Variants in VPS41 observed in about 807,000 individuals in gnomAD.
The protein encoded by VPS41 is vacuolar protein sorting-associated protein 41 homolog.
A neutral mutation model predicts 130.9 loss-of-function variants in VPS41; 85 were observed. That is an observed-to-expected ratio of 0.65 (90% CI 0.55 to 0.78). The LOEUF (loss-of-function observed/expected upper bound fraction) is 0.78, where lower values mean the gene tolerates loss of function less well. Ranked by LOEUF, VPS41 falls within the 30% of genes least tolerant of loss-of-function variation. The probability of loss-of-function intolerance (pLI) is 0.00; values close to 1 mark genes in which losing one functional copy is unlikely to be tolerated. For synonymous variants in VPS41, 335 were observed against 332.9 expected, an observed-to-expected ratio of 1.01 and a Z score of -0.07; for missense variants, 874 against 1,018.7, an observed-to-expected ratio of 0.86 and a Z score of 1.93.
At chr7:38,727,600 A>G (rs1421202206) in intron 27 of VPS41, among the ~76,000 whole-genome samples, 1 of 152,198 alleles carries the variant, frequency 6.6e-6, no homozygotes, top group African/African-American at 2.4e-5. Flanking sequence ...CTGAAATGCT[A>G]TGGAAGCTCA....
At chr7:38,740,327 A>G (rs943517754) in intron 25 of VPS41, among the ~76,000 whole-genome samples, 2 of 152,162 alleles carry the variant, frequency 1.3e-5, no homozygotes, top group Admixed American at 1.3e-4. Context: ...TCAGAGGCTT[A>G]TAAGTTCTGA....
intron 22 of VPS41, among the ~76,000 whole-genome samples, chr7:38,748,798 G>A (rs1206500354): frequency 6.6e-6 from 1 of 151,808 alleles, no homozygotes; most frequent in Non-Finnish European, 1.5e-5. Flanking sequence ...CCAACATAGT[G>A]GAAAAAATAC....
intron 23 of VPS41, 84 bp downstream of exon 23, chr7:38,745,475 C>T (rs935684981): frequency 4.4e-6 from 5 of 1,139,942 alleles, no homozygotes; most frequent in African/African-American, 1.5e-5. Flanking sequence ...GGTCTAAAAC[C>T]TATGTCCTTT....
At chr7:38,882,711 A>G (rs1250412539) in intron 2 of VPS41, among the ~76,000 whole-genome samples, 1 of 152,190 alleles carries the variant, frequency 6.6e-6, no homozygotes, top group East Asian at 1.9e-4. Flanking sequence ...CCAATTGCTC[A>G]TCCTTGACTG....
intron 25 of VPS41, among the ~76,000 whole-genome samples, chr7:38,740,048 C>T (rs77064954): frequency 6.6e-6 from 1 of 152,234 alleles, no homozygotes; most frequent in East Asian, 1.9e-4. Flanking sequence ...GGAAGAATGA[C>T]CTAGTCATAG....
At position 38,733,524 on chromosome 7, in the gene VPS41, T is replaced by C. The variant is rs549458311; in HGVS notation, c.2260-4733A>G. 2.0e-5 allele frequency among the ~76,000 whole-genome samples: 3 copies of C among 152,314 alleles called. No homozygotes were observed. In the East Asian group the frequency reaches 5.8e-4, roughly 29 times the overall value. On this transcript the variant is annotated intron_variant, in intron 25 of 28. Coordinates refer to ENST00000310301, the MANE Select transcript of VPS41 (RefSeq NM_014396.4). ...GCAGTTTTGAAGATTATGTCCTCCT[T>C]CACACCAAAAGTAGTTTTTGTTTTC...
At chr7:38,868,204 A>C (rs1329958636) in intron 3 of VPS41, among the ~76,000 whole-genome samples, 1 of 152,200 alleles carries the variant, frequency 6.6e-6, no homozygotes, top group Admixed American at 6.5e-5. Flanking sequence ...AGTGAAGAAA[A>C]GGGACCAGAA....
intron 6 of VPS41, among the ~76,000 whole-genome samples, chr7:38,819,160 G>A (rs562868036): frequency 6.6e-6 from 1 of 152,292 alleles, no homozygotes; most frequent in South Asian, 2.1e-4. Context: ...TCAGATGTAA[G>A]AAAATAAAGC....
At chr7:38,889,361 T>TA (rs34136101) in intron 2 of VPS41, among the ~76,000 whole-genome samples, 90,762 of 143,668 alleles carry the variant, frequency 0.63, 29,792 homozygotes, top group East Asian at 0.88. Context: ...ACACTAAAGT[T>TA]AAAAAAAAAA....
chr7:38,899,471 T>C (rs1330091901), intron 1 of VPS41, among the ~76,000 whole-genome samples: 2 of 152,244 alleles, frequency 1.3e-5, no homozygotes, highest in Non-Finnish European at 2.9e-5. Context: ...AAAATGTTTC[T>C]CCTCTGCACT....
chr7:38,769,723 C>T (rs1784117545), intron 14 of VPS41, among the ~76,000 whole-genome samples: 1 of 152,176 alleles, frequency 6.6e-6, no homozygotes, highest in Non-Finnish European at 1.5e-5. Context: ...TTTACTGTAT[C>T]TTCCATCTAT....
intron 5 of VPS41, among the ~76,000 whole-genome samples, chr7:38,828,658 C>G (rs1785327101): frequency 6.6e-6 from 1 of 152,100 alleles, no homozygotes; most frequent in East Asian, 1.9e-4. Flanking sequence ...ATTATGTGTA[C>G]TAAAAGATTT....
chr7:38,886,372 C>A (rs1057428557), intron 2 of VPS41, among the ~76,000 whole-genome samples: 1 of 152,234 alleles, frequency 6.6e-6, no homozygotes, highest in Non-Finnish European at 1.5e-5. Flanking sequence ...CGGCAGGTAC[C>A]ATGCCCATGG....
At chr7:38,749,031 A>C (rs1440316812) in intron 22 of VPS41, among the ~76,000 whole-genome samples, 1 of 152,224 alleles carries the variant, frequency 6.6e-6, no homozygotes, top group Admixed American at 6.5e-5. Flanking sequence ...TATTATCTTT[A>C]AAAATTGCTG....
intron 4 of VPS41, among the ~76,000 whole-genome samples, chr7:38,837,364 G>A (rs1220409531): frequency 6.6e-6 from 1 of 152,152 alleles, no homozygotes; most frequent in African/African-American, 2.4e-5. Context: ...GTGTAATAGA[G>A]TCTACATAAA....
At chr7:38,859,072 T>C (rs533830463) in intron 4 of VPS41, among the ~76,000 whole-genome samples, 1 of 151,922 alleles carries the variant, frequency 6.6e-6, no homozygotes, top group Non-Finnish European at 1.5e-5. Flanking sequence ...GGCTAATGTG[T>C]GTGTTTGTAT....
In VPS41 at chr7:38,901,601, G is replaced by A. The variant is rs186105614; in HGVS notation, c.22-3472C>T. 2.1e-4 allele frequency among the ~76,000 whole-genome samples: 32 copies of A among 152,334 alleles called. No homozygotes were observed. The South Asian group carries it at 3.5e-3, about 17-fold the overall frequency. ...ATTTCAAGGATGGGACCAAGCCATC[G>A]TGAGAGATCTGCCCCCATTAGATCT... On this transcript the variant is annotated intron_variant, in intron 1 of 28. Coordinates refer to ENST00000310301, the MANE Select transcript of VPS41 (RefSeq NM_014396.4).
chr7:38,781,930 C>T (rs1363319035), intron 10 of VPS41, among the ~76,000 whole-genome samples: 4 of 152,182 alleles, frequency 2.6e-5, no homozygotes, highest in East Asian at 1.9e-4. Context: ...CTGCTTCTTA[C>T]TCACTTTTTC....
At chr7:38,745,772 C>T in intron 22 of VPS41, 159 bp from the exon 23 acceptor site, 2 of 643,160 alleles carry the variant, frequency 3.1e-6, no homozygotes, top group Non-Finnish European at 5.5e-6. Flanking sequence ...AGAATAGCTG[C>T]ACTCAGTTAC....
Sources: gnomAD v4.1 joint callset for allele counts (sites outside exome capture counted in the v4.1 genomes callset) on GRCh38, gnomAD v4.1.1 for gene constraint, MANE v1.5 for transcripts, NCBI Gene and HGNC (gene_info 2026-07-23, HGNC 2026-07-21) for gene names.